UBA2: variants seen among roughly 807,000 people sequenced by gnomAD.
The protein encoded by UBA2 is ubiquitin like modifier activating enzyme 2, also known as SUMO-activating enzyme subunit 2.
Under a neutral mutation model 77.2 loss-of-function variants are expected in UBA2, and 11 were observed. That is an observed-to-expected ratio of 0.14 (90% CI 0.09 to 0.24). The LOEUF is 0.24. Among genes scored for constraint, UBA2 ranks in the 10% least tolerant of loss-of-function variants. The pLI is 1.00. For missense variants in UBA2, 487 were observed against 781.7 expected, an observed-to-expected ratio of 0.62 and a Z score of 4.50; for synonymous variants, 278 against 276.7, an observed-to-expected ratio of 1.00 and a Z score of -0.05.
chr19:34,450,512 C>T lies in UBA2; in HGVS notation c.871+148C>T, dbSNP rs970359094. ...TATGAAGAACAAAAGTCACTGAAGT[C>T]CCACACTTCAGAAATAGCCACTAAT... On this transcript the variant is annotated intron_variant, in intron 9 of 16. Coordinates refer to ENST00000246548, the MANE Select transcript of UBA2 (RefSeq NM_005499.3). The T allele has an allele frequency of 6.9e-5, 36 of 523,878 alleles. No homozygotes were observed. In the Admixed American group the frequency reaches 1.1e-3, roughly 17 times the overall value. 32.5% of individuals were successfully genotyped at this position (523,878 alleles called of 1,614,324 possible).
rs374860259 is a variant in UBA2, at chr19:34,464,021, C to G, written c.1499-5C>G. Reference sequence around the variant, plus strand: ...TGAAGTATCTAAATTATTCACGTTTCCTAGCTAATAATCACAAGAAGTTGT... The same window carrying G: ...TGAAGTATCTAAATTATTCACGTTTGCTAGCTAATAATCACAAGAAGTTGT... On this transcript the variant is annotated splice_polypyrimidine_tract_variant and splice_region_variant and intron_variant, in intron 14 of 16. Transcript: ENST00000246548. 35 of 1,598,218 alleles carry G rather than the reference C, an allele frequency of 2.2e-5. No individual in the cohort carries two copies. The highest frequency in any genetic ancestry group is 2.9e-5 in the Non-Finnish European group (34 of 1,165,736).
intron 10 of UBA2, 145 bp downstream of exon 10, chr19:34,452,292 T>C: frequency 1.4e-6 from 1 of 711,416 alleles, no homozygotes; most frequent in Non-Finnish European, 2.2e-6. Flanking sequence ...TCAGCTCTAA[T>C]TGCTGTATGG....
chr19:34,458,933 A>G lies in UBA2; in HGVS notation c.1401+9A>G, dbSNP rs947557264. The G allele has an allele frequency of 6.2e-7, 1 of 1,609,392 alleles. No individual in the cohort carries two copies. The highest frequency in any genetic ancestry group is 1.1e-5 in the South Asian group (1 of 89,720). ...TCACCTTACAAGACAAGGTCAGTGCAAGGCCTGGGTCTCTTTTCCTTTTGC... is the reference window on the plus strand; with the variant it reads ...TCACCTTACAAGACAAGGTCAGTGCGAGGCCTGGGTCTCTTTTCCTTTTGC... On this transcript the variant is annotated intron_variant, in intron 13 of 16. Coordinates refer to ENST00000246548, the MANE Select transcript of UBA2 (RefSeq NM_005499.3).
chr19:34,445,476 G>A (rs886685709), intron 8 of UBA2, among the ~76,000 whole-genome samples: 6 of 108,856 alleles, frequency 5.5e-5, no homozygotes, highest in African/African-American at 2.2e-4. Context: ...TCTCACTCTT[G>A]TCGCCCAGGC....
rs1421870729 is a variant in UBA2 at position 34,430,596 on chromosome 19, T to C, written c.159T>C (p.Asp53=). Residue 53 remains aspartate (D), a synonymous_variant, in exon 2 of 17, where the codon GAT becomes GAC. Transcript: ENST00000246548. Reference sequence around the variant, plus strand: ...TGTAGATTGATCTGGATACTATTGATGTAAGCAACCTCAACAGACAGTTTT... The same window carrying C: ...TGTAGATTGATCTGGATACTATTGACGTAAGCAACCTCAACAGACAGTTTT... ...HIDLIDLDTI[D]VSNLNRQFLF... is the part of the protein sequence containing the mutation. 1 of 1,613,800 alleles carries C rather than the reference T, an allele frequency of 6.2e-7. No individual in the cohort carries two copies. The highest frequency in any genetic ancestry group is 1.7e-4 in the Middle Eastern group (1 of 6,058).
At position 34,438,984 on chromosome 19, in the gene UBA2, G is replaced by A. The variant is rs10406714; in HGVS notation, c.581+218G>A. Among the ~76,000 whole-genome samples, 1,564 of 152,172 alleles carry A rather than the reference G, an allele frequency of 0.01. 26 individuals carry two copies. Among genetic ancestry groups the A allele is most frequent in the African/African-American group, 0.035 (1,437 of 41,518 alleles). On this transcript the variant is annotated intron_variant, in intron 6 of 16. Coordinates refer to ENST00000246548, the MANE Select transcript of UBA2 (RefSeq NM_005499.3). ...GGCACTTTGGGAAACTGAGGTGGTC[G>A]GATCACCTGAGCGCAGGAGTTTGAG...
At chr19:34,436,596 G>A (rs948355789) in intron 5 of UBA2, among the ~76,000 whole-genome samples, 2 of 152,162 alleles carry the variant, frequency 1.3e-5, no homozygotes, top group Non-Finnish European at 2.9e-5. Flanking sequence ...GCCATGCCTG[G>A]CACATATCTC....
intron 12 of UBA2, 142 bp from the exon 13 acceptor site, chr19:34,458,627 G>A: frequency 4.6e-6 from 2 of 436,634 alleles, no homozygotes; most frequent in Non-Finnish European, 3.9e-6. Context: ...AAAAGGTCAT[G>A]ATTTTCCTGA....
chr19:34,461,819 A>G (rs1419181537), intron 14 of UBA2, among the ~76,000 whole-genome samples: 1 of 140,406 alleles, frequency 7.1e-6, no homozygotes, highest in Non-Finnish European at 1.6e-5. Context: ...GGAAAACTAG[A>G]AAGAGTGTGT....
At chr19:34,435,085 C>G in intron 5 of UBA2, 117 bp downstream of exon 5, 1 of 730,048 alleles carries the variant, frequency 1.4e-6, no homozygotes, top group Non-Finnish European at 2.2e-6. Flanking sequence ...AATGTAAGGA[C>G]TTTTATGCTT....
Position 34,428,541 on chromosome 19 carries a change from G to C in UBA2, c.109G>C (p.Val37Leu). 7.7e-7 allele frequency: 1 copy of C among 1,307,158 alleles called. No homozygotes were observed. The highest frequency in any genetic ancestry group is 9.8e-7 in the Non-Finnish European group (1 of 1,019,658). The allele number at this position is 1,307,158 out of a possible 1,614,324, so 81.0% of individuals were successfully genotyped here. ...GIGCELLKNL[V>L]LTGFSHIDLI... The stretch of plus-strand genomic sequence containing the variant: ...CGGCTGCGAGCTCCTCAAGAATCTC[G>C]TGCTCACCGGTTTCTCCCACATCGA... Residue 37 changes from valine to leucine, a missense_variant, in exon 1 of 17, where the codon GTG becomes CTG. By Grantham distance (32) the Val-to-Leu change is conservative. Transcript: ENST00000246548.
chr19:34,451,292 A>G (rs2075493378), intron 9 of UBA2, among the ~76,000 whole-genome samples: 1 of 152,122 alleles, frequency 6.6e-6, no homozygotes, highest in Non-Finnish European at 1.5e-5. Flanking sequence ...TATAGCACCC[A>G]TTGAAACTTA....
intron 1 of UBA2, chr19:34,428,970 A>G (rs1314720957): frequency 2.0e-6 from 2 of 986,078 alleles, no homozygotes; most frequent in Admixed American, 6.1e-5. Flanking sequence ...GTAACTCCGA[A>G]GTAACGACGC....
intron 9 of UBA2, among the ~76,000 whole-genome samples, chr19:34,450,742 C>CTTTTTTTTT (rs59580124): frequency 6.1e-4 from 51 of 83,430 alleles, no homozygotes; most frequent in Non-Finnish European, 9.3e-4. Flanking sequence ...TTATGTATAT[C>CTTTTTTTTT]TTTTTTTTTT....
chr19:34,440,308 A>C (rs1344152949), intron 6 of UBA2, among the ~76,000 whole-genome samples: 2 of 105,152 alleles, frequency 1.9e-5, no homozygotes, highest in Non-Finnish European at 3.9e-5. Flanking sequence ...ATGATGTTTC[A>C]AAAAAAAAAA....
At chr19:34,455,792 T>C (rs1478256636) in intron 12 of UBA2, among the ~76,000 whole-genome samples, 1 of 151,996 alleles carries the variant, frequency 6.6e-6, no homozygotes, top group East Asian at 1.9e-4. Flanking sequence ...TACAGGTGCA[T>C]GCCACCATGC....
chr19:34,430,450 T>G (rs2075239834), intron 1 of UBA2, 126 bp from the exon 2 acceptor site: 1 of 550,862 alleles, frequency 1.8e-6, no homozygotes, highest in African/African-American at 1.9e-5. Context: ...GTATGGCGAT[T>G]CGAAAAACGC....
chr19:34,442,914 G>C (rs2075386008), intron 6 of UBA2, among the ~76,000 whole-genome samples: 1 of 152,094 alleles, frequency 6.6e-6, no homozygotes, highest in South Asian at 2.1e-4. Flanking sequence ...ATAGTTGGGT[G>C]GGGGGTTGTA....
chr19:34,463,385 C>G (rs536906161), intron 14 of UBA2, among the ~76,000 whole-genome samples: 1 of 152,282 alleles, frequency 6.6e-6, no homozygotes, highest in South Asian at 2.1e-4. Context: ...ATACCACAAC[C>G]CAGGTGGCTT....
Sources: gnomAD v4.1 joint callset for allele counts (sites outside exome capture counted in the v4.1 genomes callset) on GRCh38, gnomAD v4.1.1 for gene constraint, MANE v1.5 for transcripts, NCBI Gene and HGNC (gene_info 2026-07-23, HGNC 2026-07-21) for gene names.